ARL3: variants seen among roughly 807,000 people sequenced by gnomAD.
The protein encoded by ARL3 is ARF like GTPase 3, also known as ADP-ribosylation factor-like protein 3.
ARL3 carries 9 observed loss-of-function variants against 26.0 expected under a neutral mutation model. The observed-to-expected ratio is 0.35, with a 90% CI of 0.21 to 0.60. The LOEUF (loss-of-function observed/expected upper bound fraction) is 0.60, where lower values mean the gene tolerates loss of function less well. Among genes scored for constraint, ARL3 ranks in the 20% least tolerant of loss-of-function variants. The pLI, the probability that ARL3 is intolerant of heterozygous loss-of-function variation, is 0.78. For missense variants in ARL3, 158 were observed against 215.7 expected, an observed-to-expected ratio of 0.73 and a Z score of 1.67; for synonymous variants, 71 against 78.4, an observed-to-expected ratio of 0.91 and a Z score of 0.50.
intron 2 of ARL3, among the ~76,000 whole-genome samples, chr10:102,704,087 G>A (rs1034761947): frequency 1.5e-5 from 2 of 132,682 alleles, no homozygotes; most frequent in Non-Finnish European, 3.1e-5. Flanking sequence ...GGAGGCGCAG[G>A]TTGCAGTGAG....
At chr10:102,698,371 G>T (rs1341276203) in intron 3 of ARL3, among the ~76,000 whole-genome samples, 1 of 152,006 alleles carries the variant, frequency 6.6e-6, no homozygotes, top group Admixed American at 6.6e-5. Flanking sequence ...ACCACACCTG[G>T]TCTAGATGAT....
intron 1 of ARL3, among the ~76,000 whole-genome samples, chr10:102,706,269 G>A (rs1282535283): frequency 6.6e-6 from 1 of 152,090 alleles, no homozygotes; most frequent in Non-Finnish European, 1.5e-5. Flanking sequence ...GGCTAACACG[G>A]TGAAACCCTG....
intron 1 of ARL3, among the ~76,000 whole-genome samples, chr10:102,706,366 C>T (rs2064311418): frequency 6.6e-6 from 1 of 151,984 alleles, no homozygotes; most frequent in Admixed American, 6.6e-5. Context: ...GCAGGAGAAT[C>T]GCTTGAACCT....
At chr10:102,704,372 G>C (rs11815216) in intron 2 of ARL3, among the ~76,000 whole-genome samples, 2,697 of 152,200 alleles carry the variant, frequency 0.018, 73 homozygotes, top group African/African-American at 0.062. Flanking sequence ...GGGTGTGGTG[G>C]CTCACACCTG....
At chr10:102,693,875 A>T (rs2064233101) in intron 3 of ARL3, among the ~76,000 whole-genome samples, 2 of 151,946 alleles carry the variant, frequency 1.3e-5, no homozygotes, top group Non-Finnish European at 2.9e-5. Flanking sequence ...GGGTCACAGT[A>T]TATTGTGCAA....
At chr10:102,697,012 T>A (rs1008147560) in intron 3 of ARL3, among the ~76,000 whole-genome samples, 1 of 152,212 alleles carries the variant, frequency 6.6e-6, no homozygotes, top group South Asian at 2.1e-4. Flanking sequence ...CTAGGCTGTA[T>A]GGCATAGCCT....
At position 102,714,313 on chromosome 10, in the gene ARL3, T is replaced by G; in HGVS notation, c.-38A>C. The G allele has an allele frequency of 1.5e-6, 2 of 1,307,890 alleles. No homozygotes were observed. Among genetic ancestry groups the G allele is most frequent in the Non-Finnish European group, 2.0e-6 (2 of 1,020,126 alleles). The allele number at this position is 1,307,890 out of a possible 1,614,324, so 81.0% of individuals were successfully genotyped here. ...TCCCTCCTCCTCCTCCTCCTCCTGC[T>G]GCCTCCCCCGTTACCAGGGGCAACT... is the stretch of plus-strand genomic sequence containing the variant. On this transcript the variant is annotated 5_prime_UTR_variant, in exon 1 of 6. Coordinates refer to ENST00000260746, the MANE Select transcript of ARL3 (RefSeq NM_004311.4).
At position 102,689,692 on chromosome 10, in the gene ARL3, G is replaced by A. The variant is rs914471082; in HGVS notation, c.315+201C>T. 2.6e-5 allele frequency among the ~76,000 whole-genome samples: 4 copies of A among 151,934 alleles called. No individual in the cohort carries two copies. The South Asian group carries it at 6.2e-4, about 24-fold the overall frequency. On this transcript the variant is annotated intron_variant, in intron 4 of 5. Coordinates refer to ENST00000260746, the MANE Select transcript of ARL3 (RefSeq NM_004311.4). Reference sequence around the variant, plus strand: ...ACTAAAAATACAAAATTAGCCAGGCGTGGTGGTGCATGCTAATTCCAGCTA... The same window carrying A: ...ACTAAAAATACAAAATTAGCCAGGCATGGTGGTGCATGCTAATTCCAGCTA...
chr10:102,695,063 G>A (rs533244644), intron 3 of ARL3, among the ~76,000 whole-genome samples: 1 of 152,306 alleles, frequency 6.6e-6, no homozygotes, highest in Admixed American at 6.5e-5. Context: ...TTGATGTCAG[G>A]TAGTGTCAGT....
Position 102,686,072 on chromosome 10 carries a change from T to A in ARL3, c.316-71A>T, listed in dbSNP as rs556934829. ...TCTATGATATTTAACCATACACTAC[T>A]TTTTTTTTTTTTTTTTTGAGACAGA... is the stretch of plus-strand genomic sequence containing the variant. On this transcript the variant is annotated intron_variant, in intron 4 of 5. Transcript: ENST00000260746. 248 of 199,472 alleles carry A rather than the reference T, an allele frequency of 1.2e-3. No individual in the cohort carries two copies. In the South Asian group the frequency reaches 0.033, roughly 26 times the overall value. 12.4% of individuals were successfully genotyped at this position (199,472 alleles called of 1,614,324 possible). A position where few individuals can be genotyped will look rare whatever the true frequency, so the allele number is the denominator to read the frequency against.
At chr10:102,713,919 C>CT (rs1394808413) in intron 1 of ARL3, among the ~76,000 whole-genome samples, 8 of 152,250 alleles carry the variant, frequency 5.3e-5, no homozygotes, top group Non-Finnish European at 1.0e-4. Flanking sequence ...CCCGGGAAGT[C>CT]TAAGCCTGCT....
Position 102,676,806 on chromosome 10 carries a change from A to G in ARL3, c.*88T>C. 2 of 1,409,832 alleles carry G rather than the reference A, an allele frequency of 1.4e-6. No individual in the cohort carries two copies. Among genetic ancestry groups the G allele is most frequent in the Non-Finnish European group, 2.0e-6 (2 of 1,004,188 alleles). The allele number at this position is 1,409,832 out of a possible 1,614,324, so 87.3% of individuals were successfully genotyped here. ...AACAGCTGGAGCTGTACACAGATGG[A>G]AAAACATTTGGTCAGAAAGCAGCAA... On this transcript the variant is annotated 3_prime_UTR_variant, in exon 6 of 6. Coordinates refer to ENST00000260746, the MANE Select transcript of ARL3 (RefSeq NM_004311.4).
chr10:102,695,145 T>A (rs1475394249), intron 3 of ARL3, among the ~76,000 whole-genome samples: 1 of 152,260 alleles, frequency 6.6e-6, no homozygotes, highest in African/African-American at 2.4e-5. Context: ...AACATTAGAA[T>A]CAGTTTGTCA....
intron 1 of ARL3, among the ~76,000 whole-genome samples, chr10:102,706,716 G>C (rs1245663198): frequency 1.3e-5 from 2 of 151,904 alleles, no homozygotes; most frequent in Admixed American, 1.3e-4. Context: ...TGTCACCCAG[G>C]CTGGAGTGCA....
At chr10:102,689,044 T>C (rs187102094) in intron 4 of ARL3, among the ~76,000 whole-genome samples, 3 of 152,280 alleles carry the variant, frequency 2.0e-5, no homozygotes, top group African/African-American at 7.2e-5. Context: ...CTGTTTAGGC[T>C]GGGCATGGAG....
At chr10:102,704,282 T>C (rs1270844402) in intron 2 of ARL3, among the ~76,000 whole-genome samples, 2 of 152,156 alleles carry the variant, frequency 1.3e-5, no homozygotes, top group Non-Finnish European at 2.9e-5. Flanking sequence ...GTTTTCTCCT[T>C]TATACTTTCT....
At chr10:102,714,231 A>C in intron 1 of ARL3, 42 bp downstream of exon 1, 2 of 1,312,970 alleles carry the variant, frequency 1.5e-6, no homozygotes, top group African/African-American at 1.5e-5. Flanking sequence ...CGGGAGGGGG[A>C]TAACCGGCCG....
chr10:102,699,682 T>C (rs2064268681), intron 2 of ARL3, among the ~76,000 whole-genome samples, 193 bp from the exon 3 acceptor site: 1 of 152,238 alleles, frequency 6.6e-6, no homozygotes, highest in African/African-American at 2.4e-5. Context: ...ATCCAGGTTG[T>C]GGAGTCAGTG....
At chr10:102,696,963 A>G (rs2064251632) in intron 3 of ARL3, among the ~76,000 whole-genome samples, 1 of 152,186 alleles carries the variant, frequency 6.6e-6, no homozygotes, top group Non-Finnish European at 1.5e-5. Flanking sequence ...CCAACATCAT[A>G]CAGTGTACTT....
Sources: gnomAD v4.1 joint callset for allele counts (sites outside exome capture counted in the v4.1 genomes callset) on GRCh38, gnomAD v4.1.1 for gene constraint, MANE v1.5 for transcripts, NCBI Gene and HGNC (gene_info 2026-07-23, HGNC 2026-07-21) for gene names.